The following PRKAR1A variants were observed in gnomAD, a reference collection of about 807,000 sequenced individuals.
PRKAR1A encodes cAMP-dependent protein kinase type I-alpha regulatory subunit.
Under a neutral mutation model 52.0 loss-of-function variants are expected in PRKAR1A, and 3 were observed. That is an observed-to-expected ratio of 0.06 (90% CI 0.03 to 0.15). PRKAR1A has a LOEUF of 0.15. Among genes scored for constraint, PRKAR1A ranks in the 10% least tolerant of loss-of-function variants. The pLI is 1.00. For missense variants in PRKAR1A, 240 were observed against 477.4 expected, an observed-to-expected ratio of 0.50 and a Z score of 4.63; for synonymous variants, 188 against 168.4, an observed-to-expected ratio of 1.12 and a Z score of -0.90.
chr17:68,452,381 G>A, the PRKAR1A span, among the ~76,000 whole-genome samples: 1 of 152,082 alleles, frequency 6.6e-6, no homozygotes, highest in Admixed American at 6.6e-5. Flanking sequence ...CCTGGCCAAC[G>A]TGGTGAAACC....
At chr17:68,474,530 C>T in the PRKAR1A span, among the ~76,000 whole-genome samples, 1 of 152,294 alleles carries the variant, frequency 6.6e-6, no homozygotes, top group African/African-American at 2.4e-5. Context: ...TTGGGCTGAT[C>T]CCGTGACGAG....
chr17:68,538,046 G>A (rs890454957), downstream of PRKAR1A, among the ~76,000 whole-genome samples: 1 of 152,188 alleles, frequency 6.6e-6, no homozygotes, highest in Non-Finnish European at 1.5e-5. Context: ...AAACCAAAGT[G>A]ATACTTAGGA....
At chr17:68,439,707 G>A in the PRKAR1A span, among the ~76,000 whole-genome samples, 1 of 152,198 alleles carries the variant, frequency 6.6e-6, no homozygotes, top group Non-Finnish European at 1.5e-5. Flanking sequence ...ATAGGCTGAG[G>A]ACATGAGTTC....
At chr17:68,426,993 C>G in the PRKAR1A span, 2 of 684,914 alleles carry the variant, frequency 2.9e-6, no homozygotes, top group Non-Finnish European at 5.0e-6. Context: ...ACTCCACCCC[C>G]AGGTAACAGT....
the PRKAR1A span, among the ~76,000 whole-genome samples, chr17:68,450,382 G>A: frequency 2.0e-5 from 3 of 152,142 alleles, no homozygotes; most frequent in African/African-American, 7.2e-5. Context: ...CAGAAGAGTC[G>A]CTCCTCTGAT....
At chr17:68,451,666 T>C in the PRKAR1A span, among the ~76,000 whole-genome samples, 11 of 152,238 alleles carry the variant, frequency 7.2e-5, no homozygotes, top group Non-Finnish European at 1.2e-4. Context: ...CTTCTTGTCC[T>C]GCTAGAGGGG....
At chr17:68,464,416 T>C in the PRKAR1A span, among the ~76,000 whole-genome samples, 1 of 152,196 alleles carries the variant, frequency 6.6e-6, no homozygotes. Context: ...GCACACCCTC[T>C]TGCTGCAGGA....
chr17:68,426,151 A>G, the PRKAR1A span: 1,395 of 1,598,536 alleles, frequency 8.7e-4, 5 homozygotes, highest in Middle Eastern at 4.1e-3. Context: ...TTCTCCTCGC[A>G]GCGCCCCGCC....
chr17:68,455,036 G>A, the PRKAR1A span, among the ~76,000 whole-genome samples: 1 of 152,090 alleles, frequency 6.6e-6, no homozygotes, highest in Non-Finnish European at 1.5e-5. Context: ...CAGAGCTTGG[G>A]ACAAATATTT....
At chr17:68,428,053 G>A in the PRKAR1A span, among the ~76,000 whole-genome samples, 1 of 152,058 alleles carries the variant, frequency 6.6e-6, no homozygotes, top group Non-Finnish European at 1.5e-5. Flanking sequence ...CACCATGCCT[G>A]GCTAATTTTT....
chr17:68,465,070 C>T, the PRKAR1A span, among the ~76,000 whole-genome samples: 3 of 142,996 alleles, frequency 2.1e-5, no homozygotes, highest in East Asian at 4.1e-4. Context: ...GGACTACAGG[C>T]GCCCGCCACC....
At chr17:68,525,604 A>G (rs1008355607) in intron 6 of PRKAR1A, 150 bp from the exon 7 acceptor site, 19 of 797,084 alleles carry the variant, frequency 2.4e-5, no homozygotes, top group Middle Eastern at 3.5e-4. Flanking sequence ...GAAATCACCT[A>G]TTCTTCTCTG....
At chr17:68,452,063 T>C in the PRKAR1A span, among the ~76,000 whole-genome samples, 1 of 152,232 alleles carries the variant, frequency 6.6e-6, no homozygotes, top group Non-Finnish European at 1.5e-5. Context: ...AGGTTGTATA[T>C]TGTTCGCTAT....
chr17:68,456,397 G>C, the PRKAR1A span, among the ~76,000 whole-genome samples: 1 of 152,216 alleles, frequency 6.6e-6, no homozygotes, highest in African/African-American at 2.4e-5. Context: ...GGTACAGCAG[G>C]AAGTGGGAAA....
chr17:68,533,238 A>T lies in PRKAR1A; in HGVS notation c.*2789A>T. On this transcript the variant is annotated 3_prime_UTR_variant, in exon 11 of 11. Transcript: ENST00000589228. ...TCTTAGATTTCTGAGGAGTGAGATGATTAAGTTGTATTCATTAGTGTATTG... is the reference window on the plus strand; with the variant it reads ...TCTTAGATTTCTGAGGAGTGAGATGTTTAAGTTGTATTCATTAGTGTATTG... 9.4e-7 allele frequency: 1 copy of T among 1,061,192 alleles called. No individual in the cohort carries two copies. Among genetic ancestry groups the T allele is most frequent in the Non-Finnish European group, 1.1e-6 (1 of 875,778 alleles). The allele number at this position is 1,061,192 out of a possible 1,614,324, so 65.7% of individuals were successfully genotyped here. A position where few individuals can be genotyped will look rare whatever the true frequency, so the allele number is the denominator to read the frequency against.
the PRKAR1A span, chr17:68,421,828 A>ACATT: frequency 6.2e-7 from 1 of 1,614,134 alleles, no homozygotes; most frequent in Non-Finnish European, 8.5e-7. Flanking sequence ...TATCTACCAA[A>ACATT]ATCAAAACAG....
At chr17:68,421,553 T>C in the PRKAR1A span, 7 of 574,070 alleles carry the variant, frequency 1.2e-5, no homozygotes, top group South Asian at 1.5e-4. Flanking sequence ...GTATTTTAAA[T>C]AGCATGATGT....
At chr17:68,548,566 A>G (rs1228507151) in intron 11 of PRKAR1A, among the ~76,000 whole-genome samples, 1 of 151,976 alleles carries the variant, frequency 6.6e-6, no homozygotes. Flanking sequence ...AGAATTACCA[A>G]ATGTGACACA....
chr17:68,429,491 A>C, the PRKAR1A span, among the ~76,000 whole-genome samples: 1 of 152,230 alleles, frequency 6.6e-6, no homozygotes. Flanking sequence ...AGAAGGCTAA[A>C]ATTCCCATGC....
Sources: gnomAD v4.1 joint callset for allele counts (sites outside exome capture counted in the v4.1 genomes callset) on GRCh38, gnomAD v4.1.1 for gene constraint, MANE v1.5 for transcripts, NCBI Gene and HGNC (gene_info 2026-07-23, HGNC 2026-07-21) for gene names.